LIPH: variants seen among roughly 807,000 people sequenced by gnomAD.
LIPH encodes the protein lipase member H.
A neutral mutation model predicts 47.6 loss-of-function variants in LIPH; 32 were observed. The observed-to-expected ratio is 0.67, with a 90% CI of 0.51 to 0.90. The LOEUF is 0.90. Ranked by LOEUF, LIPH falls within the 40% of genes least tolerant of loss-of-function variation. The pLI, the probability that LIPH is intolerant of heterozygous loss-of-function variation, is 0.00. For synonymous variants in LIPH, 190 were observed against 195.6 expected (o/e 0.97, Z 0.24); for missense variants, 497 against 541.4 (o/e 0.92, Z 0.81).
chr3:185,511,457 C>A, intron 9 of LIPH, 67 bp downstream of exon 9: 1 of 1,405,350 alleles, frequency 7.1e-7, no homozygotes, highest in South Asian at 1.2e-5. Context: ...TCAGACCAAG[C>A]AGATTGGACA....
chr3:185,540,420 T>C lies in LIPH; in HGVS notation c.50-5288A>G, dbSNP rs144467605. ...CTTCTGGTAAACACCTTGATAACTCTATATGAAATATTTAAGGCTGGGCCT... is the reference window on the plus strand; with the variant it reads ...CTTCTGGTAAACACCTTGATAACTCCATATGAAATATTTAAGGCTGGGCCT... On this transcript the variant is annotated intron_variant, in intron 1 of 9. Transcript: ENST00000296252. 3.3e-5 allele frequency among the ~76,000 whole-genome samples: 5 copies of C among 152,214 alleles called. No homozygotes were observed. The East Asian group carries it at 9.7e-4, about 29-fold the overall frequency.
chr3:185,532,592 C>T (rs1720366867), intron 3 of LIPH, among the ~76,000 whole-genome samples: 1 of 151,804 alleles, frequency 6.6e-6, no homozygotes, highest in African/African-American at 2.4e-5. Flanking sequence ...GAGTTCGAGA[C>T]CAGCCTGGCC....
chr3:185,551,005 T>A lies in LIPH; in HGVS notation c.49+1418A>T, dbSNP rs535884735. On this transcript the variant is annotated intron_variant, in intron 1 of 9. Transcript: ENST00000296252. ...TCCTGGCCAACGTGGTGAAACCTCA[T>A]CTCTACTAAAAATACAAAATTAGCC... is the stretch of plus-strand genomic sequence containing the variant. Among the ~76,000 whole-genome samples the A allele has an allele frequency of 4.3e-3, 653 of 152,232 alleles. 6 individuals are homozygous for A. Among genetic ancestry groups the A allele is most frequent in the African/African-American group, 0.015 (614 of 41,568 alleles).
chr3:185,529,057 G>A (rs1188639247), intron 3 of LIPH, among the ~76,000 whole-genome samples: 3 of 148,326 alleles, frequency 2.0e-5, no homozygotes, highest in African/African-American at 7.4e-5. Flanking sequence ...CGTGCCTGTA[G>A]TCCCAGCTAC....
chr3:185,536,666 C>T (rs1180836842), intron 1 of LIPH, among the ~76,000 whole-genome samples: 3 of 151,720 alleles, frequency 2.0e-5, no homozygotes, highest in Non-Finnish European at 2.9e-5. Flanking sequence ...AAACCAACCC[C>T]CCCAAATAAA....
intron 1 of LIPH, among the ~76,000 whole-genome samples, chr3:185,548,614 C>G (rs1031245039): frequency 2.6e-5 from 4 of 151,888 alleles, no homozygotes; most frequent in Non-Finnish European, 5.9e-5. Flanking sequence ...TTAGTCCCAG[C>G]TACTTGGGAG....
Position 185,535,037 on chromosome 3 carries a change from T to C in LIPH, c.145A>G (p.Lys49Glu), listed in dbSNP as rs762584014. ...ATGGTTTGTGCGCAGGTCAGGTTTT[T>C]CCTTGTGTAGAGCATCAGCCTCACA... ...LNVRLMLYTR[K>E]NLTCAQTINS... Residue 49 changes from lysine to glutamate, a missense_variant, in exon 2 of 10, where the codon AAA becomes GAA. Physicochemically the swap from Lys to Glu is moderately conservative, Grantham distance 56 (BLOSUM62 1). Coordinates refer to ENST00000296252, the MANE Select transcript of LIPH (RefSeq NM_139248.3). 7.4e-6 allele frequency: 12 copies of C among 1,613,708 alleles called. No individual in the cohort carries two copies. The highest frequency in any genetic ancestry group is 2.2e-5 in the South Asian group (2 of 91,032).
intron 1 of LIPH, among the ~76,000 whole-genome samples, chr3:185,548,542 A>G (rs1720953401): frequency 6.6e-6 from 1 of 151,648 alleles, no homozygotes; most frequent in Non-Finnish European, 1.5e-5. Context: ...AGCCTGGCCA[A>G]TATGGTGAAA....
At position 185,506,555 on chromosome 3, in the gene LIPH, AC is replaced by A. The variant is rs796753168; in HGVS notation, c.*2234del. The A allele has an allele frequency of 9.1e-4, 139 of 152,318 alleles. 4 individuals are homozygous for A. The highest frequency in any genetic ancestry group is 3.2e-3 in the African/African-American group (131 of 41,550). 9.4% of individuals were successfully genotyped at this position (152,318 alleles called of 1,614,324 possible). The stretch of plus-strand genomic sequence containing the variant: ...CACAGACCAATAAAACTAAGAAGAA[AC>A]CAGGGCTGCCGGGTACGATGGCTCA... On this transcript the variant is annotated 3_prime_UTR_variant, in exon 10 of 10. Coordinates refer to ENST00000296252, the MANE Select transcript of LIPH (RefSeq NM_139248.3).
rs1336442132 is a variant in LIPH at position 185,549,809 on chromosome 3, C to T, written c.49+2614G>A. On this transcript the variant is annotated intron_variant, in intron 1 of 9. Coordinates refer to ENST00000296252, the MANE Select transcript of LIPH (RefSeq NM_139248.3). ...TCCTGGGCTCAAGCGATCCTCCCAC[C>T]TCGGCCTCCCCAAGTGCTGGGACTA... 2.0e-5 allele frequency among the ~76,000 whole-genome samples: 3 copies of T among 152,156 alleles called. No homozygotes were observed. The East Asian group carries it at 5.8e-4, about 29-fold the overall frequency.
At chr3:185,530,951 G>A (rs1350927484) in intron 3 of LIPH, among the ~76,000 whole-genome samples, 2 of 152,160 alleles carry the variant, frequency 1.3e-5, no homozygotes, top group Non-Finnish European at 2.9e-5. Context: ...AACATCTGAA[G>A]CAGGACAGTT....
At chr3:185,518,700 A>AT (rs1006168177) in intron 6 of LIPH, among the ~76,000 whole-genome samples, 15 of 151,434 alleles carry the variant, frequency 9.9e-5, no homozygotes, top group Admixed American at 2.6e-4. Context: ...TTTTTAAGAA[A>AT]TTTTTTTTTA....
chr3:185,534,671 C>A, intron 2 of LIPH, 94 bp downstream of exon 2: 1 of 1,302,340 alleles, frequency 7.7e-7, no homozygotes, highest in Admixed American at 1.8e-5. Context: ...GCAATATAGG[C>A]CTCCTGCTCA....
chr3:185,506,295 CTG>C lies in LIPH; in HGVS notation c.*2493_*2494del. The C allele has an allele frequency of 6.6e-6, 1 of 152,266 alleles. No individual in the cohort carries two copies. The highest frequency in any genetic ancestry group is 1.9e-4 in the East Asian group (1 of 5,176). 9.4% of individuals were successfully genotyped at this position (152,266 alleles called of 1,614,324 possible). A position where few individuals can be genotyped will look rare whatever the true frequency, so the allele number is the denominator to read the frequency against. The stretch of plus-strand genomic sequence containing the variant: ...TAACTGCCTTTATTTCTCCTGATCA[CTG>C]TTACATGAAACTTACTGAAATTCAT... On this transcript the variant is annotated 3_prime_UTR_variant, in exon 10 of 10. Transcript: ENST00000296252.
intron 1 of LIPH, among the ~76,000 whole-genome samples, chr3:185,540,309 C>T (rs1319000304): frequency 1.3e-5 from 2 of 152,256 alleles, no homozygotes; most frequent in South Asian, 2.1e-4. Context: ...GGATTGTCCT[C>T]ATGTTTTTTG....
chr3:185,524,255 A>G, intron 4 of LIPH, 95 bp from the exon 5 acceptor site: 1 of 760,184 alleles, frequency 1.3e-6, no homozygotes, highest in East Asian at 2.7e-5. Flanking sequence ...TTGTATTATT[A>G]TTGTTGTTTA....
chr3:185,521,116 C>A (rs1719889013), intron 5 of LIPH, among the ~76,000 whole-genome samples: 1 of 152,092 alleles, frequency 6.6e-6, no homozygotes, highest in Non-Finnish European at 1.5e-5. Flanking sequence ...GATCTGCCCA[C>A]CTCAGCCTCC....
chr3:185,514,036 A>G (rs920647507), intron 8 of LIPH, among the ~76,000 whole-genome samples: 47 of 152,186 alleles, frequency 3.1e-4, no homozygotes, highest in Admixed American at 2.0e-4. Flanking sequence ...AAATCAGCAT[A>G]TTCATTTGTT....
chr3:185,515,376 A>T (rs1387512735), intron 7 of LIPH, among the ~76,000 whole-genome samples: 1 of 152,114 alleles, frequency 6.6e-6, no homozygotes, highest in African/African-American at 2.4e-5. Flanking sequence ...AGTCCCACGA[A>T]GGAATAAGGT....
Sources: gnomAD v4.1 joint callset for allele counts (sites outside exome capture counted in the v4.1 genomes callset) on GRCh38, gnomAD v4.1.1 for gene constraint, MANE v1.5 for transcripts, NCBI Gene and HGNC (gene_info 2026-07-23, HGNC 2026-07-21) for gene names.